XKR6: variants seen among roughly 807,000 people sequenced by gnomAD.
The protein encoded by XKR6 is XK related 6.
Under a neutral mutation model 56.7 loss-of-function variants are expected in XKR6, and 22 were observed. That is an observed-to-expected ratio of 0.39 (90% CI 0.28 to 0.55). The LOEUF (loss-of-function observed/expected upper bound fraction) is 0.55, where lower values mean the gene tolerates loss of function less well. Among genes scored for constraint, XKR6 ranks in the 20% least tolerant of loss-of-function variants. The pLI is 0.66. For synonymous variants in XKR6, 524 were observed against 387.8 expected, an observed-to-expected ratio of 1.35 and a Z score of -4.13; for missense variants, 852 against 889.0, an observed-to-expected ratio of 0.96 and a Z score of 0.53.
At chr8:11,065,840 G>A (rs1435176093) in intron 1 of XKR6, among the ~76,000 whole-genome samples, 1 of 152,174 alleles carries the variant, frequency 6.6e-6, no homozygotes, top group African/African-American at 2.4e-5. Context: ...AGGCAGTGGC[G>A]TTTTTCCCTA....
chr8:11,165,959 G>GTT (rs943836510), intron 1 of XKR6, among the ~76,000 whole-genome samples: 14 of 140,896 alleles, frequency 9.9e-5, no homozygotes, highest in African/African-American at 1.3e-4. Flanking sequence ...AGTTTTTTGG[G>GTT]TTTTTTTTTT....
intron 1 of XKR6, among the ~76,000 whole-genome samples, chr8:11,173,366 T>TATATACAC (rs1554478604): frequency 1.4e-5 from 2 of 143,958 alleles, no homozygotes; most frequent in African/African-American, 2.6e-5. Context: ...TATATATATA[T>TATATACAC]ACACACACAC....
At position 11,164,348 on chromosome 8, in the gene XKR6, G is replaced by C. The variant is rs377160604; in HGVS notation, c.764+36228C>G. ...GACTTTTTCCTTTTCTCCACCCCTGGGGTCCAGGCTCTTTTCCCAGCACTT... is the reference window on the plus strand; with the variant it reads ...GACTTTTTCCTTTTCTCCACCCCTGCGGTCCAGGCTCTTTTCCCAGCACTT... On this transcript the variant is annotated intron_variant, in intron 1 of 2. Coordinates refer to ENST00000416569, the MANE Select transcript of XKR6 (RefSeq NM_173683.4). Among the ~76,000 whole-genome samples, 7 of 152,264 alleles carry C rather than the reference G, an allele frequency of 4.6e-5. No individual in the cohort carries two copies. In the East Asian group the frequency reaches 1.2e-3, roughly 25 times the overall value.
chr8:11,062,940 T>C (rs1486296712), intron 1 of XKR6: 1 of 441,688 alleles, frequency 2.3e-6, no homozygotes, highest in South Asian at 1.6e-5. Flanking sequence ...TCTTCATGCA[T>C]TGGCTAGAAG....
At chr8:11,003,900 C>T (rs7350072) in intron 1 of XKR6, among the ~76,000 whole-genome samples, 5 of 152,138 alleles carry the variant, frequency 3.3e-5, no homozygotes, top group Admixed American at 1.3e-4. Context: ...GTCCAGAGGG[C>T]TTTCAAGTTC....
Position 11,090,986 on chromosome 8 carries a change from T to TCGAG in XKR6, c.764+109586_764+109589dup, listed in dbSNP as rs147553914. Among the ~76,000 whole-genome samples, 1,091 of 152,314 alleles carry TCGAG rather than the reference T, an allele frequency of 7.2e-3. 13 individuals are homozygous for TCGAG. The highest frequency in any genetic ancestry group is 0.025 in the African/African-American group (1,036 of 41,556). ...AGCTGTAATGGAAAAGAGGCACAAC[T>TCGAG]CGAGCCCAGGTCTCTATAACCTTTG... On this transcript the variant is annotated intron_variant, in intron 1 of 2. Transcript: ENST00000416569.
intron 1 of XKR6, among the ~76,000 whole-genome samples, chr8:11,089,669 T>C (rs1277752531): frequency 6.6e-6 from 1 of 152,066 alleles, no homozygotes; most frequent in Non-Finnish European, 1.5e-5. Flanking sequence ...TTTCAACAAA[T>C]ATAAATAAAA....
At chr8:11,081,336 A>T (rs1797715660) in intron 1 of XKR6, among the ~76,000 whole-genome samples, 1 of 152,204 alleles carries the variant, frequency 6.6e-6, no homozygotes, top group African/African-American at 2.4e-5. Flanking sequence ...AGAATTACAC[A>T]GTTATCTGTC....
intron 1 of XKR6, among the ~76,000 whole-genome samples, chr8:10,944,304 G>T (rs1214806919): frequency 6.6e-6 from 1 of 152,184 alleles, no homozygotes; most frequent in African/African-American, 2.4e-5. Flanking sequence ...GATTTAAGTT[G>T]AACACAAGAA....
intron 1 of XKR6, among the ~76,000 whole-genome samples, chr8:11,011,249 T>A (rs12216757): frequency 0.33 from 49,759 of 152,072 alleles, 8,555 homozygotes; most frequent in Middle Eastern, 0.45. Context: ...TACAGTGACA[T>A]CAGTGCCATC....
At chr8:11,101,688 T>C (rs189606097) in intron 1 of XKR6, among the ~76,000 whole-genome samples, 1 of 152,272 alleles carries the variant, frequency 6.6e-6, no homozygotes, top group African/African-American at 2.4e-5. Context: ...GGAAGTGGCC[T>C]CTCCTGTGCA....
At chr8:11,166,084 T>C (rs1802056043) in intron 1 of XKR6, among the ~76,000 whole-genome samples, 2 of 151,806 alleles carry the variant, frequency 1.3e-5, no homozygotes, top group Admixed American at 1.3e-4. Flanking sequence ...GCCTCCCGAG[T>C]AGCTGGGATT....
At chr8:11,056,942 C>T (rs1799700019) in intron 1 of XKR6, among the ~76,000 whole-genome samples, 1 of 152,156 alleles carries the variant, frequency 6.6e-6, no homozygotes, top group African/African-American at 2.4e-5. Context: ...GCTAAGAAAC[C>T]CACAGGCAAG....
intron 1 of XKR6, among the ~76,000 whole-genome samples, chr8:10,971,098 T>C (rs999571428): frequency 1.3e-5 from 2 of 151,428 alleles, no homozygotes; most frequent in Non-Finnish European, 2.9e-5. Flanking sequence ...TTCTGTATTC[T>C]TTTCAGTTTC....
At chr8:11,131,864 G>C (rs1419402427) in intron 1 of XKR6, among the ~76,000 whole-genome samples, 1 of 152,180 alleles carries the variant, frequency 6.6e-6, no homozygotes, top group Non-Finnish European at 1.5e-5. Flanking sequence ...GGCTATACCA[G>C]ACAGTGTAGG....
chr8:11,090,052 A>G (rs959181940), intron 1 of XKR6, among the ~76,000 whole-genome samples: 1 of 152,166 alleles, frequency 6.6e-6, no homozygotes, highest in African/African-American at 2.4e-5. Context: ...GTATTATAGT[A>G]TTCTATTAAA....
chr8:10,987,339 G>A (rs539144568), intron 1 of XKR6, among the ~76,000 whole-genome samples: 1 of 152,144 alleles, frequency 6.6e-6, no homozygotes, highest in Non-Finnish European at 1.5e-5. Context: ...GATAAGAGCA[G>A]AATCATTATC....
intron 1 of XKR6, among the ~76,000 whole-genome samples, chr8:10,984,450 A>C (rs1797804756): frequency 6.6e-6 from 1 of 152,162 alleles, no homozygotes; most frequent in Admixed American, 6.5e-5. Context: ...CAACTTAATT[A>C]GAAAGACAGA....
intron 1 of XKR6, among the ~76,000 whole-genome samples, chr8:10,947,356 G>A (rs867877199): frequency 6.6e-6 from 1 of 152,300 alleles, no homozygotes; most frequent in East Asian, 1.9e-4. Context: ...GCCCATGTGC[G>A]TGTCTCTATG....
Sources: gnomAD v4.1 joint callset for allele counts (sites outside exome capture counted in the v4.1 genomes callset) on GRCh38, gnomAD v4.1.1 for gene constraint, MANE v1.5 for transcripts, NCBI Gene and HGNC (gene_info 2026-07-23, HGNC 2026-07-21) for gene names.